Variants in SATB1 observed in about 807,000 individuals in gnomAD.
SATB1 encodes the protein SATB homeobox 1.
Under a neutral mutation model 86.9 loss-of-function variants are expected in SATB1, and 11 were observed. That is an observed-to-expected ratio of 0.13 (90% CI 0.08 to 0.21). The LOEUF (loss-of-function observed/expected upper bound fraction) is 0.21, where lower values mean the gene tolerates loss of function less well. Ranked by LOEUF, SATB1 falls within the 10% of genes least tolerant of loss-of-function variation. The pLI is 1.00. For missense variants in SATB1, 551 were observed against 937.6 expected (o/e 0.59, Z 5.39); for synonymous variants, 357 against 357.2 (o/e 1.00, Z 0.01).
rs755515084 is a variant in SATB1 at position 18,349,704 on chromosome 3, A to G, written c.1780-22T>C. The stretch of plus-strand genomic sequence containing the variant: ...GTTGCTGCAAAGAAACAAGGAGACA[A>G]TCAGAGCTCTGCTATCGTGGAGTTC... On this transcript the variant is annotated intron_variant, in intron 10 of 10. Transcript: ENST00000338745. The surrounding 1 kb of genome is among the most constrained non-coding windows in gnomAD (Gnocchi z 5.5). 1.3e-5 allele frequency: 20 copies of G among 1,573,836 alleles called. No homozygotes were observed. The highest frequency in any genetic ancestry group is 1.7e-5 in the Non-Finnish European group (20 of 1,160,948).
chr3:18,418,662 C>T (rs564151181), intron 2 of SATB1, among the ~76,000 whole-genome samples: 8 of 152,278 alleles, frequency 5.3e-5, no homozygotes, highest in South Asian at 4.1e-4. Flanking sequence ...CTGGCAAAAT[C>T]GCCTAAACAA....
chr3:18,398,162 T>C (rs1478024372), intron 5 of SATB1, among the ~76,000 whole-genome samples: 3 of 152,176 alleles, frequency 2.0e-5, no homozygotes, highest in Admixed American at 6.6e-5. Flanking sequence ...CCCTTTAACA[T>C]ACAAAAATGA....
chr3:18,352,059 C>G lies in SATB1; in HGVS notation c.1712G>C (p.Ser571Thr). Residue 571 changes from serine (S) to threonine (T), a missense_variant, in exon 10 of 11, where the codon AGC becomes ACC. This residue lies in a region of SATB1 where 110 missense variants were observed against 212.2 expected (regional missense o/e 0.52). Transcript: ENST00000338745. This position sits in a 1 kb window ranked among gnomAD's most constrained non-coding sequence, Gnocchi z 4.1. Reference sequence around the variant, plus strand: ...GTCGCCATGGTGATGCACCGCGTTGCTCTCCTGTTCATAAATGGCATCACG... The same window carrying G: ...GTCGCCATGGTGATGCACCGCGTTGGTCTCCTGTTCATAAATGGCATCACG... ...PERDAIYEQE[S>T]NAVHHHGDRP... The G allele has an allele frequency of 3.1e-6, 5 of 1,614,236 alleles. No homozygotes were observed. Among genetic ancestry groups the G allele is most frequent in the Non-Finnish European group, 4.2e-6 (5 of 1,180,042 alleles).
At chr3:18,391,617 G>A (rs1696679468) in intron 7 of SATB1, among the ~76,000 whole-genome samples, 2 of 146,436 alleles carry the variant, frequency 1.4e-5, no homozygotes, top group Non-Finnish European at 3.0e-5. Flanking sequence ...CTATGAGTGA[G>A]AATATGCGGT....
intron 1 of SATB1, among the ~76,000 whole-genome samples, chr3:18,438,287 A>T (rs1188295948): frequency 6.6e-6 from 1 of 152,166 alleles, no homozygotes. Flanking sequence ...ACTGCATCTA[A>T]AGAATGCCCC....
intron 8 of SATB1, among the ~76,000 whole-genome samples, chr3:18,381,822 T>C (rs1451325153): frequency 6.6e-6 from 1 of 152,164 alleles, no homozygotes; most frequent in African/African-American, 2.4e-5. Context: ...TTATTAGTGA[T>C]GGAAAATATT....
chr3:18,433,393 TA>T (rs1196089918), intron 2 of SATB1, among the ~76,000 whole-genome samples: 2 of 152,054 alleles, frequency 1.3e-5, no homozygotes, highest in Non-Finnish European at 2.9e-5. Context: ...AAATTTTGTT[TA>T]AAAAAACGCT....
rs113660374 is a variant in SATB1 at position 18,376,458 on chromosome 3, G to A, written c.1575+1712C>T. The stretch of plus-strand genomic sequence containing the variant: ...TGCAGTCTGATTATTACTGATGATC[G>A]GACAGGTCAGAAAAAAAAATGTAGA... On this transcript the variant is annotated intron_variant, in intron 9 of 10. Transcript: ENST00000338745. Among the ~76,000 whole-genome samples the A allele has an allele frequency of 8.7e-3, 1,316 of 151,296 alleles. 21 individuals carry two copies. The highest frequency in any genetic ancestry group is 0.048 in the South Asian group (232 of 4,784).
intron 5 of SATB1, among the ~76,000 whole-genome samples, chr3:18,397,941 TCA>T (rs760233563): frequency 3.9e-5 from 6 of 152,170 alleles, no homozygotes; most frequent in Non-Finnish European, 7.3e-5. Flanking sequence ...AACAAACTAT[TCA>T]CAGAGATCCT....
intron 6 of SATB1, among the ~76,000 whole-genome samples, chr3:18,395,555 T>C (rs886446126): frequency 2.6e-5 from 4 of 152,236 alleles, no homozygotes; most frequent in Non-Finnish European, 5.9e-5. Flanking sequence ...ATTTTAATTC[T>C]AACCATCATG....
intron 9 of SATB1, among the ~76,000 whole-genome samples, chr3:18,376,962 C>CTA (rs1189296749): frequency 6.6e-6 from 1 of 152,146 alleles, no homozygotes; most frequent in Non-Finnish European, 1.5e-5. Context: ...GCCTATAAAG[C>CTA]TATAATTTTT....
In SATB1 at chr3:18,346,087, A is replaced by ACTT. The variant is rs1389660651; in HGVS notation, c.*3080_*3082dup. The stretch of plus-strand genomic sequence containing the variant: ...CACATTTTATACATAATATGTACAG[A>ACTT]CTTTGTTACCAAGCGCCACACAACT... On this transcript the variant is annotated 3_prime_UTR_variant, in exon 11 of 11. Coordinates refer to ENST00000338745, the MANE Select transcript of SATB1 (RefSeq NM_002971.6). 4 of 152,136 alleles carry ACTT rather than the reference A, an allele frequency of 2.6e-5. No individual in the cohort carries two copies. Among genetic ancestry groups the ACTT allele is most frequent in the Non-Finnish European group, 4.4e-5 (3 of 67,984 alleles). 9.4% of individuals were successfully genotyped at this position (152,136 alleles called of 1,614,324 possible).
intron 9 of SATB1, among the ~76,000 whole-genome samples, chr3:18,364,496 T>G (rs988242865): frequency 6.6e-6 from 1 of 152,084 alleles, no homozygotes; most frequent in Non-Finnish European, 1.5e-5. Flanking sequence ...TTCATAGGTA[T>G]TGCTACTGTC....
Position 18,349,650 on chromosome 3 carries a change from C to CTGCTGCTGCTGT in SATB1, c.1800_1811dup (p.Gln604_Gln607dup), listed in dbSNP as rs1553613701. On this transcript the variant is annotated inframe_insertion, in exon 11 of 11. Coordinates refer to ENST00000338745, the MANE Select transcript of SATB1 (RefSeq NM_002971.6). This position sits in a 1 kb window ranked among gnomAD's most constrained non-coding sequence, Gnocchi z 5.5. Reference sequence around the variant, plus strand: ...GTGGAGGCGGCGGTGCCTGCTGCTGCTGCTGCTGCTGTTGCTGTTGCTGCT... The same window carrying CTGCTGCTGCTGT: ...GTGGAGGCGGCGGTGCCTGCTGCTGCTGCTGCTGCTGTTGCTGCTGCTGTTGCTGTTGCTGCT... 2.5e-6 allele frequency: 4 copies of CTGCTGCTGCTGT among 1,611,092 alleles called. No homozygotes were observed. Among genetic ancestry groups the CTGCTGCTGCTGT allele is most frequent in the Non-Finnish European group, 1.7e-6 (2 of 1,179,032 alleles).
intron 9 of SATB1, among the ~76,000 whole-genome samples, chr3:18,368,944 A>T (rs896232355): frequency 2.0e-5 from 3 of 152,114 alleles, no homozygotes; most frequent in African/African-American, 7.2e-5. Context: ...GAGACTGGTG[A>T]TAACTTTAGC....
intron 7 of SATB1, among the ~76,000 whole-genome samples, chr3:18,391,482 G>C (rs9310561): frequency 0.6 from 88,934 of 149,226 alleles, 27,088 homozygotes; most frequent in East Asian, 0.92. Flanking sequence ...CACCCACTAA[G>C]TCGTCATCTA....
At chr3:18,363,610 G>A (rs987515232) in intron 9 of SATB1, among the ~76,000 whole-genome samples, 3 of 152,088 alleles carry the variant, frequency 2.0e-5, no homozygotes, top group Admixed American at 6.6e-5. Context: ...CCACTCCAGC[G>A]CCTCTTCCCA....
chr3:18,425,842 C>A (rs1356723159), upstream of SATB1, among the ~76,000 whole-genome samples: 1 of 48,830 alleles, frequency 2.0e-5, no homozygotes, highest in African/African-American at 8.6e-5. Context: ...ACGGGCAGGA[C>A]GGGCACGGGG....
chr3:18,442,396 A>G (rs1699265494), upstream of SATB1, among the ~76,000 whole-genome samples: 1 of 152,200 alleles, frequency 6.6e-6, no homozygotes, highest in Non-Finnish European at 1.5e-5. Flanking sequence ...TGTATTACCT[A>G]TGACTGAACA....
Sources: gnomAD v4.1 joint callset for allele counts (sites outside exome capture counted in the v4.1 genomes callset) on GRCh38, gnomAD v4.1.1 for gene constraint, gnomAD v4.1.1 regional missense constraint, Gnocchi (gnomAD v3.1) non-coding constraint, MANE v1.5 for transcripts, NCBI Gene and HGNC (gene_info 2026-07-23, HGNC 2026-07-21) for gene names.